The following TSGA10 variants were observed in gnomAD, a reference collection of about 807,000 sequenced individuals.
TSGA10 encodes the protein testis specific 10.
A neutral mutation model predicts 96.6 loss-of-function variants in TSGA10; 43 were observed. The observed-to-expected ratio is 0.44, with a 90% CI of 0.35 to 0.57. The LOEUF is 0.57. Ranked by LOEUF, TSGA10 falls within the 20% of genes least tolerant of loss-of-function variation. The probability of loss-of-function intolerance (pLI) is 0.01; values close to 1 mark genes in which losing one functional copy is unlikely to be tolerated. For synonymous variants in TSGA10, 229 were observed against 269.9 expected, an observed-to-expected ratio of 0.85 and a Z score of 1.48; for missense variants, 703 against 834.4, an observed-to-expected ratio of 0.84 and a Z score of 1.94.
At chr2:99,024,829 T>C (rs1220710562) in intron 17 of TSGA10, among the ~76,000 whole-genome samples, 1 of 152,198 alleles carries the variant, frequency 6.6e-6, no homozygotes, top group Non-Finnish European at 1.5e-5. Context: ...TTCTAGTTTA[T>C]AGAGTGTTTT....
chr2:99,018,833 G>C (rs917560171), intron 18 of TSGA10, among the ~76,000 whole-genome samples, 193 bp from the exon 19 acceptor site: 11 of 152,110 alleles, frequency 7.2e-5, no homozygotes, highest in Non-Finnish European at 1.5e-4. Flanking sequence ...TAGCCTACTT[G>C]AAAAGCCTAA....
chr2:99,018,269 G>A lies in TSGA10; in HGVS notation c.2003C>T (p.Thr668Ile). The change falls in exon 20 of 21, where the codon ACA becomes ATA. Residue 668 changes from threonine to isoleucine, a missense_variant. Thr to Ile is a moderately conservative substitution (Grantham distance 89). This residue lies in a region of TSGA10 where 69 missense variants were observed against 81.3 expected (regional missense o/e 0.85). Coordinates refer to ENST00000393483, the MANE Select transcript of TSGA10 (RefSeq NM_025244.4). Reference sequence around the variant, plus strand: ...AGCACGTTCTGGTGAATGACATTTTGTATTTGGCTTCATTGTAGAACTCAT... The same window carrying A: ...AGCACGTTCTGGTGAATGACATTTTATATTTGGCTTCATTGTAGAACTCAT... ...YHMSSTMKPN[T>I]KCHSPERAHH... is the part of the protein sequence containing the mutation. The A allele has an allele frequency of 6.2e-7, 1 of 1,614,034 alleles. No homozygotes were observed. The highest frequency in any genetic ancestry group is 8.5e-7 in the Non-Finnish European group (1 of 1,179,976).
chr2:99,126,564 C>A (rs533072918), intron 2 of TSGA10: 1 of 152,692 alleles, frequency 6.5e-6, no homozygotes, highest in Non-Finnish European at 1.5e-5. Context: ...ACTCTATCTT[C>A]CTGGAAAAAG....
At chr2:99,021,940 A>G (rs2080055396) in intron 17 of TSGA10, among the ~76,000 whole-genome samples, 1 of 152,192 alleles carries the variant, frequency 6.6e-6, no homozygotes, top group Admixed American at 6.5e-5. Flanking sequence ...TTTTTGAAAT[A>G]TAATTCACAT....
chr2:99,046,724 G>T (rs1257143194), intron 16 of TSGA10, among the ~76,000 whole-genome samples: 1 of 152,132 alleles, frequency 6.6e-6, no homozygotes, highest in African/African-American at 2.4e-5. Context: ...ACTAAGAACA[G>T]AGAAGAACTG....
At chr2:99,114,956 TAA>T (rs372121135) in intron 4 of TSGA10, among the ~76,000 whole-genome samples, 245 of 152,294 alleles carry the variant, frequency 1.6e-3, no homozygotes, top group African/African-American at 5.7e-3. Context: ...TTTTTTGAGA[TAA>T]AGAGTCTCAC....
chr2:99,024,560 T>C (rs1339771852), intron 17 of TSGA10, among the ~76,000 whole-genome samples: 1 of 152,232 alleles, frequency 6.6e-6, no homozygotes, highest in African/African-American at 2.4e-5. Flanking sequence ...AGTGGATTCT[T>C]AGGATTTTCT....
chr2:99,063,783 C>T (rs185155510), intron 16 of TSGA10, among the ~76,000 whole-genome samples: 11 of 151,380 alleles, frequency 7.3e-5, no homozygotes, highest in Non-Finnish European at 1.3e-4. Flanking sequence ...TCCAGCCTGG[C>T]GACAGAGCGA....
chr2:99,105,237 T>G, intron 9 of TSGA10, 122 bp downstream of exon 9: 2 of 749,730 alleles, frequency 2.7e-6, no homozygotes, highest in Non-Finnish European at 4.1e-6. Context: ...CTTAAGTATT[T>G]TAGGACTATA....
At chr2:99,083,038 T>C (rs1018318283) in intron 10 of TSGA10, among the ~76,000 whole-genome samples, 10 of 151,240 alleles carry the variant, frequency 6.6e-5, no homozygotes, top group Admixed American at 5.9e-4. Context: ...AGAGCACAAA[T>C]AAAACAATGA....
chr2:99,016,583 G>A (rs2079530337), intron 20 of TSGA10, among the ~76,000 whole-genome samples: 1 of 152,112 alleles, frequency 6.6e-6, no homozygotes, highest in South Asian at 2.1e-4. Flanking sequence ...CTTTGGCTTA[G>A]GCAAAGATTT....
chr2:99,146,417 T>A (rs2105135931), intron 1 of TSGA10, among the ~76,000 whole-genome samples: 1 of 152,344 alleles, frequency 6.6e-6, no homozygotes, highest in South Asian at 2.1e-4. Context: ...AAATATCTCC[T>A]TCCAGTCTCT....
chr2:99,098,011 T>G (rs2090255991), intron 10 of TSGA10, among the ~76,000 whole-genome samples: 1 of 151,928 alleles, frequency 6.6e-6, no homozygotes, highest in African/African-American at 2.4e-5. Context: ...ACCATCAAAA[T>G]ATATAATGAA....
chr2:99,078,087 T>C (rs541865069), intron 12 of TSGA10, among the ~76,000 whole-genome samples: 4 of 150,886 alleles, frequency 2.7e-5, no homozygotes, highest in Non-Finnish European at 5.9e-5. Flanking sequence ...CTGACTAACA[T>C]GGTGAAACCC....
intron 10 of TSGA10, among the ~76,000 whole-genome samples, chr2:99,093,000 T>C (rs1279952895): frequency 6.6e-6 from 1 of 152,062 alleles, no homozygotes; most frequent in African/African-American, 2.4e-5. Context: ...GCAAAAATCC[T>C]TAACAAAATA....
chr2:99,142,119 T>C (rs1454191551), intron 1 of TSGA10: 2 of 152,230 alleles, frequency 1.3e-5, no homozygotes, highest in African/African-American at 4.8e-5. Context: ...ACAAATGAGC[T>C]TTTTAGTGAA....
intron 20 of TSGA10, among the ~76,000 whole-genome samples, chr2:99,008,045 C>A (rs573835079): frequency 6.6e-6 from 1 of 152,118 alleles, no homozygotes; most frequent in Non-Finnish European, 1.5e-5. Flanking sequence ...TCAAACCATA[C>A]ATAAAATAAA....
intron 17 of TSGA10, among the ~76,000 whole-genome samples, chr2:99,026,332 T>C (rs1306738916): frequency 2.0e-5 from 3 of 152,206 alleles, no homozygotes; most frequent in African/African-American, 7.2e-5. Context: ...TGATATATTG[T>C]TACAATTATT....
chr2:98,998,074 A>G lies in TSGA10; in HGVS notation c.*123T>C, dbSNP rs753055383. The G allele has an allele frequency of 6.7e-6, 6 of 894,636 alleles. No homozygotes were observed. Among genetic ancestry groups the G allele is most frequent in the Non-Finnish European group, 1.0e-5 (6 of 578,510 alleles). 55.4% of individuals were successfully genotyped at this position (894,636 alleles called of 1,614,324 possible). ...ATTAGAACAGAGATTCAGAGACACA[A>G]AGTTAATAAATACATTTAACATTGC... On this transcript the variant is annotated 3_prime_UTR_variant, in exon 21 of 21. Transcript: ENST00000393483.
Sources: gnomAD v4.1 joint callset for allele counts (sites outside exome capture counted in the v4.1 genomes callset) on GRCh38, gnomAD v4.1.1 for gene constraint, gnomAD v4.1.1 regional missense constraint, MANE v1.5 for transcripts, NCBI Gene and HGNC (gene_info 2026-07-23, HGNC 2026-07-21) for gene names.